The following THRB variants were observed in gnomAD, a reference collection of about 807,000 sequenced individuals.
The protein encoded by THRB is nuclear receptor subfamily 1 group A member 2.
Under a neutral mutation model 47.8 loss-of-function variants are expected in THRB, and 12 were observed. That is an observed-to-expected ratio of 0.25 (90% CI 0.16 to 0.41). The LOEUF is 0.41. THRB is among the 10% of genes least tolerant of loss of function. The pLI is 1.00. For missense variants in THRB, 348 were observed against 589.2 expected (o/e 0.59, Z 4.24); for synonymous variants, 218 against 212.2 (o/e 1.03, Z -0.24).
chr3:24,292,056 G>A (rs921001902), intron 3 of THRB, among the ~76,000 whole-genome samples: 2 of 152,066 alleles, frequency 1.3e-5, no homozygotes, highest in Admixed American at 6.6e-5. Flanking sequence ...AGAAAAAAGA[G>A]TAACATAAAG....
chr3:24,162,058 T>G (rs1232397977), intron 5 of THRB, among the ~76,000 whole-genome samples: 1 of 152,204 alleles, frequency 6.6e-6, no homozygotes, highest in Non-Finnish European at 1.5e-5. Flanking sequence ...ATCGAGAGGT[T>G]GACCTGCAAA....
chr3:24,226,434 A>G (rs1437895028), intron 4 of THRB, among the ~76,000 whole-genome samples: 1 of 152,196 alleles, frequency 6.6e-6, no homozygotes, highest in African/African-American at 2.4e-5. Context: ...TGAGCCCACT[A>G]ACGTATACTG....
rs112507625 is a variant in THRB, at chr3:24,216,912, G to T, written c.22+12026C>A. ...GGGCTATTTTATATTCATTTACATAGAAATCTTTGAAGAATGATTTTATAA... is the reference window on the plus strand; with the variant it reads ...GGGCTATTTTATATTCATTTACATATAAATCTTTGAAGAATGATTTTATAA... On this transcript the variant is annotated intron_variant, in intron 4 of 10. Coordinates refer to ENST00000646209, the MANE Select transcript of THRB (RefSeq NM_001354712.2). Among the ~76,000 whole-genome samples the T allele has an allele frequency of 6.3e-3, 954 of 151,926 alleles. 6 individuals carry two copies. Among genetic ancestry groups the T allele is most frequent in the African/African-American group, 0.021 (874 of 41,470 alleles).
Position 24,392,729 on chromosome 3 carries a change from A to T in THRB, c.-260-55358T>A, listed in dbSNP as rs116724599. On this transcript the variant is annotated intron_variant, in intron 1 of 10. Transcript: ENST00000646209. ...CAAAATCAAGTATTTTAGTCTTTAC[A>T]TAGTTATAGTTATATGAGTAACATT... Among the ~76,000 whole-genome samples, 590 of 152,268 alleles carry T rather than the reference A, an allele frequency of 3.9e-3. 4 individuals carry two copies. Among genetic ancestry groups the T allele is most frequent in the Non-Finnish European group, 6.6e-3 (447 of 68,010 alleles).
chr3:24,145,158 C>G (rs2035929996), intron 7 of THRB, among the ~76,000 whole-genome samples: 1 of 151,504 alleles, frequency 6.6e-6, no homozygotes, highest in Non-Finnish European at 1.5e-5. Context: ...TTCCGGTGTG[C>G]CAGGGACTGT....
At chr3:24,175,466 A>G (rs1401805127) in intron 5 of THRB, among the ~76,000 whole-genome samples, 1 of 152,212 alleles carries the variant, frequency 6.6e-6, no homozygotes, top group East Asian at 1.9e-4. Flanking sequence ...CTATTCAAAA[A>G]GAGCTCAGGA....
In THRB at chr3:24,424,045, A is replaced by G. The variant is rs544493752; in HGVS notation, c.-261+70607T>C. Reference sequence around the variant, plus strand: ...TCAGTTAACTTAAGAAGAGGACTTCAGTTTTTTAATTTCTGAAATTAGTAC... The same window carrying G: ...TCAGTTAACTTAAGAAGAGGACTTCGGTTTTTTAATTTCTGAAATTAGTAC... On this transcript the variant is annotated intron_variant, in intron 1 of 10. Coordinates refer to ENST00000646209, the MANE Select transcript of THRB (RefSeq NM_001354712.2). Among the ~76,000 whole-genome samples, 259 of 152,054 alleles carry G rather than the reference A, an allele frequency of 1.7e-3. 2 individuals carry two copies. The highest frequency in any genetic ancestry group is 0.012 in the South Asian group (57 of 4,824).
intron 8 of THRB, among the ~76,000 whole-genome samples, chr3:24,140,768 C>T (rs1349388153): frequency 1.3e-5 from 2 of 152,154 alleles, no homozygotes; most frequent in Non-Finnish European, 2.9e-5. Flanking sequence ...GGAACAGACT[C>T]TACCTCTCCC....
chr3:24,435,047 G>A (rs1269610583), intron 1 of THRB, among the ~76,000 whole-genome samples: 6 of 152,274 alleles, frequency 3.9e-5, no homozygotes, highest in African/African-American at 1.2e-4. Context: ...GTCTGGGAGA[G>A]GGGCTGTCAG....
chr3:24,213,765 A>T (rs1196562742), intron 4 of THRB, among the ~76,000 whole-genome samples: 1 of 152,040 alleles, frequency 6.6e-6, no homozygotes, highest in Non-Finnish European at 1.5e-5. Context: ...CAAACCTGTG[A>T]CTCTTTAGTG....
intron 5 of THRB, among the ~76,000 whole-genome samples, chr3:24,161,281 C>A (rs766533753): frequency 4.2e-4 from 64 of 152,278 alleles, no homozygotes; most frequent in Non-Finnish European, 6.8e-4. Context: ...AAGTTACATA[C>A]GCATTGTTGA....
chr3:24,161,649 CACACAG>C (rs1347579270), intron 5 of THRB, among the ~76,000 whole-genome samples: 1 of 150,310 alleles, frequency 6.7e-6, no homozygotes, highest in African/African-American at 2.5e-5. Flanking sequence ...CACACACACA[CACACAG>C]ACAGAATTCT....
At chr3:24,239,891 T>C (rs1357690272) in intron 3 of THRB, among the ~76,000 whole-genome samples, 5 of 152,186 alleles carry the variant, frequency 3.3e-5, no homozygotes, top group Non-Finnish European at 5.9e-5. Context: ...TAATATTTTT[T>C]ACGGTGACCC....
intron 1 of THRB, among the ~76,000 whole-genome samples, chr3:24,343,490 A>G (rs1036322180): frequency 6.6e-6 from 1 of 152,210 alleles, no homozygotes; most frequent in Non-Finnish European, 1.5e-5. Flanking sequence ...TGAAAGGCTT[A>G]ACTATGGGCA....
intron 2 of THRB, among the ~76,000 whole-genome samples, chr3:24,297,728 A>C (rs1353646722): frequency 2.0e-5 from 3 of 152,184 alleles, no homozygotes; most frequent in Non-Finnish European, 2.9e-5. Context: ...GCTGTTCCAC[A>C]CTTGATGCTG....
Position 24,343,621 on chromosome 3 carries a change from C to T in THRB, c.-260-6250G>A, listed in dbSNP as rs188668089. Among the ~76,000 whole-genome samples the T allele has an allele frequency of 8.2e-4, 125 of 152,120 alleles. 1 individual carries two copies. The highest frequency in any genetic ancestry group is 7.7e-4 in the East Asian group (4 of 5,172). On this transcript the variant is annotated intron_variant, in intron 1 of 10. Coordinates refer to ENST00000646209, the MANE Select transcript of THRB (RefSeq NM_001354712.2). The stretch of plus-strand genomic sequence containing the variant: ...TAAGATAAACATAAAGCATATATAT[C>T]ATCACTGCCCATCTCCCATGTTCAC...
At chr3:24,284,276 A>G (rs1408847031) in intron 3 of THRB, among the ~76,000 whole-genome samples, 3 of 151,852 alleles carry the variant, frequency 2.0e-5, no homozygotes, top group Non-Finnish European at 4.4e-5. Context: ...AAATAACGCC[A>G]CATATCTACA....
intron 2 of THRB, among the ~76,000 whole-genome samples, chr3:24,322,112 T>C (rs926051103): frequency 6.6e-6 from 1 of 152,264 alleles, no homozygotes; most frequent in Non-Finnish European, 1.5e-5. Context: ...AAATTAGAAT[T>C]ATGAATATAT....
At chr3:24,361,078 C>T (rs1463933780) in intron 1 of THRB, among the ~76,000 whole-genome samples, 1 of 152,128 alleles carries the variant, frequency 6.6e-6, no homozygotes, top group African/African-American at 2.4e-5. Flanking sequence ...ATCCTTAAAA[C>T]CCAGATTTTT....
Sources: allele counts gnomAD v4.1 joint callset (sites outside exome capture counted in the v4.1 genomes callset), GRCh38; gene constraint gnomAD v4.1.1; transcripts MANE v1.5; gene names NCBI Gene and HGNC (gene_info 2026-07-23, HGNC 2026-07-21).